RBPMS: variants seen among roughly 807,000 people sequenced by gnomAD.
RBPMS encodes the protein RNA binding protein, mRNA processing factor, also known as RNA-binding protein with multiple splicing.
In RBPMS, 7 loss-of-function variants were observed where a neutral mutation model predicts 26.8. That is an observed-to-expected ratio of 0.26 (90% CI 0.15 to 0.49). RBPMS has a LOEUF of 0.49. RBPMS is among the 20% of genes least tolerant of loss of function. The probability of loss-of-function intolerance (pLI) is 0.98; values close to 1 mark genes in which losing one functional copy is unlikely to be tolerated. For synonymous variants in RBPMS, 96 were observed against 93.3 expected (o/e 1.03, Z -0.17); for missense variants, 186 against 250.0 (o/e 0.74, Z 1.73).
chr8:30,444,156 A>G (rs1054475683), intron 1 of RBPMS, among the ~76,000 whole-genome samples: 8 of 152,206 alleles, frequency 5.3e-5, no homozygotes, highest in South Asian at 4.1e-4. Flanking sequence ...TTGGCCTCCC[A>G]AATTGCTGGG....
chr8:30,385,099 A>C lies in RBPMS; in HGVS notation c.7A>C (p.Asn3His), dbSNP rs1419312649. 1 of 1,523,354 alleles carries C rather than the reference A, an allele frequency of 6.6e-7. No individual in the cohort carries two copies. Among genetic ancestry groups the C allele is most frequent in the South Asian group, 1.2e-5 (1 of 80,452 alleles). The allele number at this position is 1,523,354 out of a possible 1,614,324, so 94.4% of individuals were successfully genotyped here. A position where few individuals can be genotyped will look rare whatever the true frequency, so the allele number is the denominator to read the frequency against. MN[N>H]GGKAEKENTP... is the part of the protein sequence containing the mutation. ...GCGAGGAAGGACCGGGAAGATGAAC[A>C]ACGGCGGCAAAGCCGAGAAGGAGAA... Residue 3 changes from asparagine to histidine, a missense_variant, in exon 1 of 9, where the codon AAC (asparagine) becomes CAC (histidine). By Grantham distance (68) the Asn-to-His change is moderately conservative. Coordinates refer to ENST00000397323, the MANE Select transcript of RBPMS (RefSeq NM_001008710.3).
chr8:30,495,473 C>G (rs1429255976), intron 4 of RBPMS, among the ~76,000 whole-genome samples: 1 of 152,090 alleles, frequency 6.6e-6, no homozygotes, highest in Non-Finnish European at 1.5e-5. Context: ...AAAGGGGTCT[C>G]TTTCTCCAAG....
intron 2 of RBPMS, among the ~76,000 whole-genome samples, chr8:30,476,174 G>T (rs1269373610): frequency 6.8e-6 from 1 of 147,442 alleles, no homozygotes; most frequent in African/African-American, 2.5e-5. Flanking sequence ...TCAAGTGGGT[G>T]AGTCTCATTT....
intron 6 of RBPMS, chr8:30,545,026 TTCTGTGTGTTGAGAGTTTTCCAC>T: frequency 7.0e-7 from 1 of 1,423,372 alleles, no homozygotes; most frequent in Non-Finnish European, 9.2e-7. Flanking sequence ...CTGTGCGTGT[TTCTGTGTGTTGAGAGTTTTCCAC>T]TCTCGTGTAC....
chr8:30,415,246 C>G (rs1054718581), intron 1 of RBPMS, among the ~76,000 whole-genome samples: 1 of 152,126 alleles, frequency 6.6e-6, no homozygotes, highest in Non-Finnish European at 1.5e-5. Context: ...TTCCAAATAT[C>G]TCTCAAATCT....
intron 1 of RBPMS, among the ~76,000 whole-genome samples, chr8:30,422,304 A>G (rs917754420): frequency 2.0e-5 from 3 of 151,794 alleles, no homozygotes; most frequent in Admixed American, 2.0e-4. Context: ...TAATTTAGAT[A>G]GGGTTTCGCC....
intron 5 of RBPMS, chr8:30,537,468 G>A: frequency 2.3e-6 from 1 of 434,722 alleles, no homozygotes; most frequent in Non-Finnish European, 4.7e-6. Flanking sequence ...GACGGTGGAA[G>A]TTAAAGTCAG....
rs1250964703 is a variant in RBPMS, at chr8:30,385,073, G to C, written c.-20G>C. ...CCCGCGCCCCAGCCCTGCCCGGCCC[G>C]GCGAGGAAGGACCGGGAAGATGAAC... On this transcript the variant is annotated 5_prime_UTR_variant, in exon 1 of 9. Transcript: ENST00000397323. 1 of 1,503,492 alleles carries C rather than the reference G, an allele frequency of 6.7e-7. No homozygotes were observed. Among genetic ancestry groups the C allele is most frequent in the Non-Finnish European group, 8.9e-7 (1 of 1,125,404 alleles). 93.1% of individuals were successfully genotyped at this position (1,503,492 alleles called of 1,614,324 possible).
chr8:30,563,582 A>G (rs1478620958), intron 7 of RBPMS, among the ~76,000 whole-genome samples: 1 of 152,206 alleles, frequency 6.6e-6, no homozygotes, highest in Non-Finnish European at 1.5e-5. Context: ...TTATAAGCAC[A>G]TGTAGTTACA....
At chr8:30,454,866 C>G (rs895172283) in intron 1 of RBPMS, among the ~76,000 whole-genome samples, 2 of 152,160 alleles carry the variant, frequency 1.3e-5, no homozygotes, top group Non-Finnish European at 2.9e-5. Context: ...TCTGTTAGCC[C>G]AGGCTGGAGT....
intron 6 of RBPMS, chr8:30,556,162 A>T (rs1162160547): frequency 4.1e-6 from 4 of 985,268 alleles, no homozygotes; most frequent in African/African-American, 1.7e-5. Flanking sequence ...CAATGAATTC[A>T]GGGGTCTGTG....
Position 30,411,680 on chromosome 8 carries a change from A to AG in RBPMS, c.66+26522_66+26523insG, listed in dbSNP as rs1285970129. ...CCTGTCTCAGAAAAAAAAAAAAAAA[A>AG]AAAAGAAAAAGGAAATGTTTAGGCC... On this transcript the variant is annotated intron_variant, in intron 1 of 8. Transcript: ENST00000397323. Among the ~76,000 whole-genome samples the AG allele has an allele frequency of 5.9e-4, 83 of 141,528 alleles. 1 individual carries two copies. The highest frequency in any genetic ancestry group is 3.5e-3 in the Middle Eastern group (1 of 286). The allele number at this position is 141,528 out of a possible 152,430, so 92.8% of individuals were successfully genotyped here.
At chr8:30,495,438 C>CGTG (rs1819845456) in intron 4 of RBPMS, among the ~76,000 whole-genome samples, 1 of 152,130 alleles carries the variant, frequency 6.6e-6, no homozygotes, top group African/African-American at 2.4e-5. Context: ...GCTCCATGGG[C>CGTG]ACGTATACCA....
intron 6 of RBPMS, chr8:30,545,131 G>A (rs775016869): frequency 1.5e-6 from 2 of 1,320,034 alleles, no homozygotes; most frequent in South Asian, 2.5e-5. Context: ...TATGTTACAG[G>A]AAAGATTAAG....
At chr8:30,432,990 A>T (rs986532653) in intron 1 of RBPMS, among the ~76,000 whole-genome samples, 1 of 152,218 alleles carries the variant, frequency 6.6e-6, no homozygotes, top group Non-Finnish European at 1.5e-5. Context: ...CTGAAAGCCA[A>T]TGCAAGCTTC....
At position 30,572,016 on chromosome 8, in the gene RBPMS, G is replaced by C. The variant is rs962554488; in HGVS notation, c.*1491G>C. ...AGGTCAACACAAAAAACCAAGGCCA[G>C]GAGTGAGGGGCTCTTTCTTACCGTA... On this transcript the variant is annotated 3_prime_UTR_variant, in exon 9 of 9. Transcript: ENST00000397323. 1 of 152,206 alleles carries C rather than the reference G, an allele frequency of 6.6e-6. No homozygotes were observed. The highest frequency in any genetic ancestry group is 6.5e-5 in the Admixed American group (1 of 15,288). 9.4% of individuals were successfully genotyped at this position (152,206 alleles called of 1,614,324 possible).
intron 1 of RBPMS, among the ~76,000 whole-genome samples, chr8:30,463,970 G>A (rs1001607672): frequency 2.6e-5 from 4 of 152,134 alleles, no homozygotes; most frequent in African/African-American, 9.7e-5. Context: ...GCAACATAGG[G>A]AGACCTCATT....
chr8:30,500,338 A>G (rs1820421828), intron 4 of RBPMS, among the ~76,000 whole-genome samples: 1 of 136,174 alleles, frequency 7.3e-6, no homozygotes, highest in South Asian at 2.3e-4. Flanking sequence ...ATTGTTGAGT[A>G]TCTTTTTTTT....
At chr8:30,423,830 T>TTTTG (rs139494534) in intron 1 of RBPMS, among the ~76,000 whole-genome samples, 40,321 of 151,122 alleles carry the variant, frequency 0.27, 5,925 homozygotes, top group African/African-American at 0.39. Context: ...TTTTGTTTTT[T>TTTTG]TTGTTGTTGT....
Sources: gnomAD v4.1 joint callset for allele counts (sites outside exome capture counted in the v4.1 genomes callset) on GRCh38, gnomAD v4.1.1 for gene constraint, MANE v1.5 for transcripts, NCBI Gene and HGNC (gene_info 2026-07-23, HGNC 2026-07-21) for gene names.